Variants in DYNC2H1 observed in about 807,000 individuals in gnomAD.
DYNC2H1 encodes the protein dynein cytoplasmic 2 heavy chain 1.
DYNC2H1 carries 410 observed loss-of-function variants against 570.0 expected under a neutral mutation model. The ratio of observed to expected loss-of-function variants is 0.72; its 90% CI spans 0.66 to 0.78. DYNC2H1 has a LOEUF of 0.78. DYNC2H1 is among the 30% of genes least tolerant of loss of function. The pLI is 0.00. For missense variants in DYNC2H1, 4,865 were observed against 5,046.4 expected, an observed-to-expected ratio of 0.96 and a Z score of 1.09; for synonymous variants, 1,688 against 1,677.6, an observed-to-expected ratio of 1.01 and a Z score of -0.15.
intron 82 of DYNC2H1, among the ~76,000 whole-genome samples, chr11:103,348,375 C>T (rs1424414841): frequency 6.6e-6 from 1 of 152,162 alleles, no homozygotes; most frequent in African/African-American, 2.4e-5. Flanking sequence ...TATGCATATA[C>T]TTTTGAGGCT....
chr11:103,204,720 A>G lies in DYNC2H1; in HGVS notation c.8312-102A>G. ...TATTGTTTTATATTGTGCTCGTTTT[A>G]AGAAACAACTCCTACTATTTCATTT... On this transcript the variant is annotated intron_variant, in intron 51 of 88. Coordinates refer to ENST00000375735, the MANE Select transcript of DYNC2H1 (RefSeq NM_001377.3). The surrounding 1 kb of genome is among the most constrained non-coding windows in gnomAD (Gnocchi z 4.1). 1.2e-6 allele frequency: 1 copy of G among 816,394 alleles called. No homozygotes were observed. Among genetic ancestry groups the G allele is most frequent in the South Asian group, 2.1e-5 (1 of 47,976 alleles). 50.6% of individuals were successfully genotyped at this position (816,394 alleles called of 1,614,324 possible). A position where few individuals can be genotyped will look rare whatever the true frequency, so the allele number is the denominator to read the frequency against.
chr11:103,161,497 C>T (rs1861091330), intron 29 of DYNC2H1, among the ~76,000 whole-genome samples: 1 of 152,080 alleles, frequency 6.6e-6, no homozygotes, highest in African/African-American at 2.4e-5. Flanking sequence ...TGTGAAAATC[C>T]AAAATGCTCC....
chr11:103,176,890 G>C (rs1035658516), intron 37 of DYNC2H1, among the ~76,000 whole-genome samples: 1 of 151,966 alleles, frequency 6.6e-6, no homozygotes, highest in African/African-American at 2.4e-5. Context: ...ATTTTTAGTA[G>C]AGATGGCATT....
intron 17 of DYNC2H1, among the ~76,000 whole-genome samples, chr11:103,136,185 G>GT (rs1023858929): frequency 9.4e-5 from 14 of 148,198 alleles, no homozygotes; most frequent in Non-Finnish European, 1.4e-4. Context: ...TGAGAAACTT[G>GT]TTTTTTTTGG....
At chr11:103,381,464 A>G (rs753719111) in intron 83 of DYNC2H1, among the ~76,000 whole-genome samples, 2 of 152,050 alleles carry the variant, frequency 1.3e-5, no homozygotes, top group African/African-American at 2.4e-5. Context: ...TTATTTATGT[A>G]TTTGAGATGG....
At chr11:103,117,956 A>G in intron 6 of DYNC2H1, 93 bp downstream of exon 6, 1 of 1,020,784 alleles carries the variant, frequency 9.8e-7, no homozygotes, top group East Asian at 2.8e-5. Context: ...AGCACTATAC[A>G]TCTGCTGGAA....
At chr11:103,437,726 G>A (rs191036965) in intron 85 of DYNC2H1, among the ~76,000 whole-genome samples, 4 of 152,208 alleles carry the variant, frequency 2.6e-5, no homozygotes, top group African/African-American at 9.6e-5. Context: ...TTGCATGGCT[G>A]TGATAATTTA....
At chr11:103,253,043 T>C (rs1864898966) in intron 65 of DYNC2H1, among the ~76,000 whole-genome samples, 1 of 151,764 alleles carries the variant, frequency 6.6e-6, no homozygotes, top group Admixed American at 6.6e-5. Context: ...TGAATGAGAA[T>C]AGATATTCCT....
intron 75 of DYNC2H1, among the ~76,000 whole-genome samples, chr11:103,295,756 A>G (rs571338750): frequency 3.3e-5 from 5 of 152,162 alleles, no homozygotes; most frequent in Non-Finnish European, 5.9e-5. Context: ...AATTTGATTA[A>G]CTGCCTTTGT....
intron 83 of DYNC2H1, among the ~76,000 whole-genome samples, chr11:103,368,627 T>C (rs1043715043): frequency 2.0e-5 from 3 of 152,238 alleles, no homozygotes; most frequent in African/African-American, 7.2e-5. Context: ...CTGCTTTTGT[T>C]GCTTGTGCAT....
intron 83 of DYNC2H1, among the ~76,000 whole-genome samples, chr11:103,375,619 T>G (rs565484881): frequency 1.7e-4 from 26 of 152,224 alleles, no homozygotes; most frequent in Non-Finnish European, 1.0e-4. Flanking sequence ...GGAGATTGTT[T>G]TGGAACTTTA....
At chr11:103,401,945 A>G (rs1006164951) in intron 84 of DYNC2H1, 2 of 152,190 alleles carry the variant, frequency 1.3e-5, no homozygotes, top group African/African-American at 4.8e-5. Flanking sequence ...AGATGGTTCT[A>G]TGTGATATTA....
rs1329201899 is a variant in DYNC2H1 at position 103,133,624 on chromosome 11, A to G, written c.2023A>G (p.Ile675Val). ...WDNPKELEGY[I>V]QKLQNAAERL... ...TAATCCTAAAGAATTAGAAGGCTATATCCAAAAACTCCAAAATGCTGCTGA... is the reference window on the plus strand; with the variant it reads ...TAATCCTAAAGAATTAGAAGGCTATGTCCAAAAACTCCAAAATGCTGCTGA... The change falls in exon 14 of 89, where the codon ATC (isoleucine) becomes GTC (valine). Residue 675 changes from isoleucine (I) to valine (V), a missense_variant. Around this residue, in one of 5 missense-constraint regions of DYNC2H1, gnomAD observed 1,936 missense variants for 1,962.1 expected, o/e 0.99. Coordinates refer to ENST00000375735, the MANE Select transcript of DYNC2H1 (RefSeq NM_001377.3). This position sits in a 1 kb window ranked among gnomAD's most constrained non-coding sequence, Gnocchi z 4.8. 1.1e-5 allele frequency: 18 copies of G among 1,613,136 alleles called. No homozygotes were observed. The highest frequency in any genetic ancestry group is 2.2e-5 in the East Asian group (1 of 44,808).
intron 84 of DYNC2H1, chr11:103,402,968 A>G (rs1006614957): frequency 1.3e-5 from 2 of 152,088 alleles, no homozygotes; most frequent in Admixed American, 6.6e-5. Flanking sequence ...ACCTAGATTT[A>G]TTGATAATTG....
chr11:103,211,607 A>G (rs542559728), intron 53 of DYNC2H1, among the ~76,000 whole-genome samples, 182 bp from the exon 54 acceptor site: 8 of 152,222 alleles, frequency 5.3e-5, no homozygotes, highest in Middle Eastern at 3.4e-3. Context: ...CCTAAGGAAG[A>G]TGGGAGCTGT....
chr11:103,296,239 C>T (rs763476789), intron 75 of DYNC2H1, among the ~76,000 whole-genome samples: 5 of 152,120 alleles, frequency 3.3e-5, no homozygotes, highest in Non-Finnish European at 7.4e-5. Flanking sequence ...TTTGATGTTC[C>T]TGAAGGGGAC....
chr11:103,319,075 A>G lies in DYNC2H1; in HGVS notation c.11726-1954A>G, dbSNP rs1346339777. Among the ~76,000 whole-genome samples, 1 of 152,134 alleles carries G rather than the reference A, an allele frequency of 6.6e-6. No individual in the cohort carries two copies. The highest frequency in any genetic ancestry group is 2.4e-5 in the African/African-American group (1 of 41,434). ...TTTATTTGACTTTTATAATACCACTATGAGGCTATTAGTGTTAGTGCCTTT... is the reference window on the plus strand; with the variant it reads ...TTTATTTGACTTTTATAATACCACTGTGAGGCTATTAGTGTTAGTGCCTTT... On this transcript the variant is annotated intron_variant, in intron 80 of 88. Transcript: ENST00000375735. The surrounding 1 kb of genome is among the most constrained non-coding windows in gnomAD (Gnocchi z 4.3).
At chr11:103,436,468 G>C (rs898210042) in intron 85 of DYNC2H1, among the ~76,000 whole-genome samples, 1 of 152,012 alleles carries the variant, frequency 6.6e-6, no homozygotes, top group African/African-American at 2.4e-5. Context: ...GAGAAAGAGT[G>C]TATTTTTAAG....
In DYNC2H1 at chr11:103,157,093, A is replaced by G. The variant is rs1289100273; in HGVS notation, c.4127+323A>G. On this transcript the variant is annotated intron_variant, in intron 26 of 88. Coordinates refer to ENST00000375735, the MANE Select transcript of DYNC2H1 (RefSeq NM_001377.3). This position sits in a 1 kb window ranked among gnomAD's most constrained non-coding sequence, Gnocchi z 4.2. ...CTCTCATTAGTATTTAATAGAGTTG[A>G]GCATTTCTTCTTTCTTAGAAAGTCT... is the stretch of plus-strand genomic sequence containing the variant. Among the ~76,000 whole-genome samples, 2 of 152,144 alleles carry G rather than the reference A, an allele frequency of 1.3e-5. No individual in the cohort carries two copies. Among genetic ancestry groups the G allele is most frequent in the East Asian group, 1.9e-4 (1 of 5,194 alleles).
Sources: allele counts gnomAD v4.1 joint callset (sites outside exome capture counted in the v4.1 genomes callset), GRCh38; gene constraint gnomAD v4.1.1; regional missense constraint gnomAD v4.1.1; non-coding constraint Gnocchi (gnomAD v3.1); transcripts MANE v1.5; gene names NCBI Gene and HGNC (gene_info 2026-07-23, HGNC 2026-07-21).